The following CALN1 variants were observed in gnomAD, a reference collection of about 807,000 sequenced individuals.
CALN1 encodes calneuron 1, also known as calcium-binding protein 8.
In CALN1, 17 loss-of-function variants were observed where a neutral mutation model predicts 30.6. That is an observed-to-expected ratio of 0.56 (90% confidence interval 0.38 to 0.83). The LOEUF is 0.83. CALN1 is among the 40% of genes least tolerant of loss of function. The pLI, the probability that CALN1 is intolerant of heterozygous loss-of-function variation, is 0.00. For missense variants in CALN1, 291 were observed against 354.9 expected (o/e 0.82, Z 1.45); for synonymous variants, 156 against 131.4 (o/e 1.19, Z -1.28).
intron 3 of CALN1, among the ~76,000 whole-genome samples, chr7:72,148,082 A>G (rs1317890957): frequency 1.4e-5 from 2 of 145,106 alleles, no homozygotes; most frequent in Non-Finnish European, 3.0e-5. Flanking sequence ...CCTAGAACTT[A>G]AAGTATAATA....
At chr7:72,405,951 A>G (rs879553898) in intron 1 of CALN1, among the ~76,000 whole-genome samples, 10 of 152,194 alleles carry the variant, frequency 6.6e-5, no homozygotes, top group South Asian at 2.1e-4. Flanking sequence ...GATGGTCGCC[A>G]GGCTTCTGAG....
intron 4 of CALN1, among the ~76,000 whole-genome samples, chr7:72,080,310 C>A (rs951052572): frequency 2.0e-5 from 3 of 152,170 alleles, no homozygotes; most frequent in Non-Finnish European, 4.4e-5. Context: ...GTGGATTTGG[C>A]AGCTGTTCTC....
chr7:71,804,788 C>G (rs1354194856), intron 6 of CALN1, among the ~76,000 whole-genome samples: 1 of 152,102 alleles, frequency 6.6e-6, no homozygotes, highest in Non-Finnish European at 1.5e-5. Flanking sequence ...ATGGCAAAAC[C>G]CTGTCTCTAC....
intron 5 of CALN1, among the ~76,000 whole-genome samples, chr7:71,891,913 C>T (rs186058904): frequency 1.3e-5 from 2 of 152,026 alleles, no homozygotes; most frequent in Admixed American, 1.3e-4. Flanking sequence ...CACTGCACTC[C>T]AGCCTGGGCA....
chr7:72,259,858 G>T (rs985200164), intron 3 of CALN1, among the ~76,000 whole-genome samples: 2 of 151,996 alleles, frequency 1.3e-5, no homozygotes, highest in African/African-American at 4.8e-5. Context: ...CAGCCTCAAG[G>T]CCCACTTCTC....
chr7:72,266,205 C>T (rs550495909), intron 3 of CALN1, among the ~76,000 whole-genome samples: 2 of 151,950 alleles, frequency 1.3e-5, no homozygotes, highest in Admixed American at 1.3e-4. Context: ...GTATGAGCAC[C>T]TCTTTCCTCA....
chr7:72,044,455 C>T (rs1407131277), intron 4 of CALN1, among the ~76,000 whole-genome samples: 11 of 151,960 alleles, frequency 7.2e-5, no homozygotes, highest in Middle Eastern at 3.2e-3. Flanking sequence ...CCTATACACA[C>T]ACCTCTCTCA....
At chr7:72,211,181 C>T (rs1792367631) in intron 3 of CALN1, among the ~76,000 whole-genome samples, 3 of 152,074 alleles carry the variant, frequency 2.0e-5, no homozygotes, top group African/African-American at 4.8e-5. Context: ...CCAGGCTGGC[C>T]CCAACCTGAC....
chr7:72,336,380 G>C (rs1802038562), intron 2 of CALN1, among the ~76,000 whole-genome samples: 1 of 152,138 alleles, frequency 6.6e-6, no homozygotes, highest in African/African-American at 2.4e-5. Context: ...CTAGAAGAGC[G>C]GCTCCCAGCC....
At chr7:72,309,188 G>A (rs987886262) in intron 2 of CALN1, among the ~76,000 whole-genome samples, 10 of 152,134 alleles carry the variant, frequency 6.6e-5, no homozygotes, top group Non-Finnish European at 1.2e-4. Context: ...GAGGCTCTAC[G>A]GGAGGGAGAC....
intron 5 of CALN1, among the ~76,000 whole-genome samples, chr7:72,009,723 C>T (rs1216910505): frequency 6.6e-6 from 1 of 152,162 alleles, no homozygotes; most frequent in East Asian, 1.9e-4. Flanking sequence ...ACAAGTCTTA[C>T]AAGATCTGAT....
chr7:71,930,930 G>A (rs1795517790), intron 5 of CALN1, among the ~76,000 whole-genome samples: 1 of 152,006 alleles, frequency 6.6e-6, no homozygotes, highest in African/African-American at 2.4e-5. Flanking sequence ...GTCCCTTTTG[G>A]TACTTTTATA....
chr7:72,119,903 A>C (rs1055319203), intron 3 of CALN1, among the ~76,000 whole-genome samples: 5 of 152,204 alleles, frequency 3.3e-5, no homozygotes, highest in Admixed American at 3.3e-4. Context: ...GGACACAGCC[A>C]AATCATATGA....
intron 2 of CALN1, among the ~76,000 whole-genome samples, chr7:72,386,050 A>C (rs575943290): frequency 5.3e-5 from 8 of 152,248 alleles, no homozygotes; most frequent in Non-Finnish European, 1.2e-4. Context: ...GTATGCTTCC[A>C]ATCACACAAT....
chr7:72,410,588 G>C (rs778860308), intron 1 of CALN1, among the ~76,000 whole-genome samples: 3 of 152,196 alleles, frequency 2.0e-5, no homozygotes, highest in Non-Finnish European at 2.9e-5. Context: ...TCTTCTGCAA[G>C]TGAGACTTCT....
At chr7:72,146,362 T>C (rs1380341067) in intron 3 of CALN1, among the ~76,000 whole-genome samples, 1 of 152,176 alleles carries the variant, frequency 6.6e-6, no homozygotes, top group African/African-American at 2.4e-5. Flanking sequence ...TGAACTCCCA[T>C]TCACAATTGC....
chr7:71,897,981 A>AAAC (rs1793626505), intron 5 of CALN1, among the ~76,000 whole-genome samples: 2 of 120,820 alleles, frequency 1.7e-5, no homozygotes, highest in Non-Finnish European at 3.3e-5. Context: ...ACAAAAAAAA[A>AAAC]AAAAAAAAAA....
chr7:71,985,584 C>CTTTTTTTTTT (rs962922789), intron 5 of CALN1, among the ~76,000 whole-genome samples: 4 of 96,438 alleles, frequency 4.1e-5, no homozygotes, highest in East Asian at 3.8e-4. Context: ...AGGTAGTTTT[C>CTTTTTTTTTT]TTTTTTTTTT....
chr7:72,081,318 A>G lies in CALN1; in HGVS notation c.388+24833T>C, dbSNP rs147810093. On this transcript the variant is annotated intron_variant, in intron 4 of 6. Coordinates refer to ENST00000395275, the MANE Select transcript of CALN1 (RefSeq NM_031468.4). ...AGCCAAAAGAAACTAGGGGAAATTC[A>G]ATTACGGTTAGAATTGCAGGAAGTC... Among the ~76,000 whole-genome samples, 665 of 150,696 alleles carry G rather than the reference A, an allele frequency of 4.4e-3. 3 individuals are homozygous for G. Among genetic ancestry groups the G allele is most frequent in the African/African-American group, 0.016 (644 of 41,212 alleles).
Sources: gnomAD v4.1 joint callset for allele counts (sites outside exome capture counted in the v4.1 genomes callset) on GRCh38, gnomAD v4.1.1 for gene constraint, MANE v1.5 for transcripts, NCBI Gene and HGNC (gene_info 2026-07-23, HGNC 2026-07-21) for gene names.